MUC7: variants seen among roughly 807,000 people sequenced by gnomAD.
The protein encoded by MUC7 is mucin-7.
MUC7 carries 2 observed loss-of-function variants against 2.5 expected under a neutral mutation model. The observed-to-expected ratio is 0.81, with a 90% CI of 0.33 to 2.55. The LOEUF (loss-of-function observed/expected upper bound fraction) is 2.55, where lower values mean the gene tolerates loss of function less well. Among genes scored for constraint, MUC7 ranks in the 30% most tolerant of loss-of-function variants. MUC7 has a pLI of 0.11. For synonymous variants in MUC7, 133 were observed against 173.4 expected, an observed-to-expected ratio of 0.77 and a Z score of 1.83; for missense variants, 408 against 455.6, an observed-to-expected ratio of 0.90 and a Z score of 0.95.
At chr4:70,472,594 T>C (rs41417448) in intron 1 of MUC7, among the ~76,000 whole-genome samples, 111 of 152,360 alleles carry the variant, frequency 7.3e-4, no homozygotes, top group Non-Finnish European at 1.2e-3. Context: ...GCTAGTACTA[T>C]AATAATACCA....
At chr4:70,473,041 A>G (rs1734880591) in intron 1 of MUC7, among the ~76,000 whole-genome samples, 1 of 152,192 alleles carries the variant, frequency 6.6e-6, no homozygotes, top group Admixed American at 6.5e-5. Flanking sequence ...CTCTTTTGCA[A>G]GTAGTTATTC....
At chr4:70,465,162 A>G (rs1327949008) in intron 1 of MUC7, among the ~76,000 whole-genome samples, 1 of 152,206 alleles carries the variant, frequency 6.6e-6, no homozygotes, top group Non-Finnish European at 1.5e-5. Flanking sequence ...GAGGGGCCTG[A>G]CTGTTAGAAG....
intron 1 of MUC7, among the ~76,000 whole-genome samples, chr4:70,439,416 C>CGAT (rs1733946516): frequency 6.6e-6 from 1 of 151,960 alleles, no homozygotes; most frequent in Non-Finnish European, 1.5e-5. Flanking sequence ...ATTTGGTGCC[C>CGAT]GACTTTTGTT....
At chr4:70,478,480 C>T (rs530974833) in intron 2 of MUC7, among the ~76,000 whole-genome samples, 3 of 152,182 alleles carry the variant, frequency 2.0e-5, no homozygotes, top group African/African-American at 7.2e-5. Flanking sequence ...TAATTTAATC[C>T]AAATCATTTT....
chr4:70,473,857 C>A, intron 1 of MUC7, 150 bp from the exon 2 acceptor site: 1 of 560,520 alleles, frequency 1.8e-6, no homozygotes, highest in Non-Finnish European at 3.1e-6. Flanking sequence ...TTTTGCATCA[C>A]CCCTATGGAA....
intron 1 of MUC7, among the ~76,000 whole-genome samples, chr4:70,453,991 C>G (rs954672737): frequency 1.1e-4 from 17 of 152,032 alleles, no homozygotes; most frequent in African/African-American, 3.9e-4. Flanking sequence ...ATGCCCTTTC[C>G]TACTGTGGCT....
chr4:70,456,154 A>G (rs1734404442), intron 1 of MUC7, among the ~76,000 whole-genome samples: 1 of 152,116 alleles, frequency 6.6e-6, no homozygotes, highest in Non-Finnish European at 1.5e-5. Context: ...CCAGTTCCGA[A>G]GTCACTTCCA....
chr4:70,432,591 G>GT (rs1410002544), intron 1 of MUC7, among the ~76,000 whole-genome samples: 1 of 152,064 alleles, frequency 6.6e-6, no homozygotes, highest in Non-Finnish European at 1.5e-5. Flanking sequence ...TTTTGATGGG[G>GT]TTTTTTTCTT....
chr4:70,449,342 G>A (rs1734222825), intron 1 of MUC7, among the ~76,000 whole-genome samples: 1 of 152,112 alleles, frequency 6.6e-6, no homozygotes, highest in Non-Finnish European at 1.5e-5. Context: ...TGTCTTACAT[G>A]GCAGCAGACT....
intron 1 of MUC7, among the ~76,000 whole-genome samples, chr4:70,440,050 C>T (rs1044397447): frequency 6.6e-6 from 1 of 151,878 alleles, no homozygotes; most frequent in Non-Finnish European, 1.5e-5. Context: ...AAGAGGTCAC[C>T]ATATATGTCA....
chr4:70,472,768 G>A (rs780497831), intron 1 of MUC7, among the ~76,000 whole-genome samples: 5 of 152,166 alleles, frequency 3.3e-5, no homozygotes, highest in Non-Finnish European at 7.4e-5. Flanking sequence ...CTTAAATCAA[G>A]TCTCTGACTG....
chr4:70,476,660 A>T (rs946077293), intron 2 of MUC7, among the ~76,000 whole-genome samples: 3 of 152,102 alleles, frequency 2.0e-5, no homozygotes, highest in Non-Finnish European at 4.4e-5. Flanking sequence ...GGTGGCCCAC[A>T]CCTGTAATTG....
intron 2 of MUC7, among the ~76,000 whole-genome samples, chr4:70,474,586 G>GGTAT (rs980421915): frequency 3.3e-5 from 5 of 152,078 alleles, no homozygotes; most frequent in African/African-American, 1.2e-4. Context: ...TAGGTAGGTA[G>GGTAT]GTAGATAGAG....
chr4:70,475,904 A>G (rs1175348058), intron 2 of MUC7, among the ~76,000 whole-genome samples: 1 of 152,158 alleles, frequency 6.6e-6, no homozygotes, highest in Non-Finnish European at 1.5e-5. Context: ...ACCTTATAAT[A>G]TCCCCCAGAA....
chr4:70,479,350 T>C (rs1265409621), intron 2 of MUC7, among the ~76,000 whole-genome samples: 2 of 152,164 alleles, frequency 1.3e-5, no homozygotes, highest in Non-Finnish European at 2.9e-5. Context: ...ATTTTTGAGG[T>C]TGGATATATT....
chr4:70,475,508 T>G (rs1237683241), intron 2 of MUC7, among the ~76,000 whole-genome samples: 2 of 151,928 alleles, frequency 1.3e-5, no homozygotes, highest in African/African-American at 2.4e-5. Flanking sequence ...TAGATATGGA[T>G]AGAGAAAATG....
At chr4:70,430,530 T>A (rs996138053) in exon 1 of MUC7, 2 of 152,124 alleles carry the variant, frequency 1.3e-5, no homozygotes, top group African/African-American at 4.8e-5. Flanking sequence ...AAGAATCTAG[T>A]AGGAAGGCTA....
chr4:70,454,471 T>C (rs1371255942), intron 1 of MUC7, among the ~76,000 whole-genome samples: 1 of 152,094 alleles, frequency 6.6e-6, no homozygotes, highest in Non-Finnish European at 1.5e-5. Flanking sequence ...CACTGCATGC[T>C]CCCTCCTCCC....
rs143633534 is a variant in MUC7, at chr4:70,441,523, G to C, written c.-93+10836G>C. On this transcript the variant is annotated intron_variant, in intron 1 of 3. Transcript: ENST00000413702. ...GCAGCATCTATATATGGAGGGAGAG[G>C]TTTTAATAAAAACTATGATGGTGAA... Among the ~76,000 whole-genome samples, 215 of 152,208 alleles carry C rather than the reference G, an allele frequency of 1.4e-3. 1 individual carries two copies. Among genetic ancestry groups the C allele is most frequent in the African/African-American group, 4.8e-3 (201 of 41,540 alleles).
Sources: allele counts gnomAD v4.1 joint callset (sites outside exome capture counted in the v4.1 genomes callset), GRCh38; gene constraint gnomAD v4.1.1; transcripts MANE v1.5; gene names NCBI Gene and HGNC (gene_info 2026-07-23, HGNC 2026-07-21).